EBF4: variants seen among roughly 807,000 people sequenced by gnomAD.
EBF4 encodes the protein EBF transcription factor 4.
EBF4 carries 34 observed loss-of-function variants against 67.1 expected under a neutral mutation model. That is an observed-to-expected ratio of 0.51 (90% confidence interval 0.39 to 0.67). EBF4 has a LOEUF of 0.67. Ranked by LOEUF, EBF4 falls within the 30% of genes least tolerant of loss-of-function variation. The probability of loss-of-function intolerance (pLI) is 0.00; values close to 1 mark genes in which losing one functional copy is unlikely to be tolerated. For missense variants in EBF4, 837 were observed against 873.3 expected (o/e 0.96, Z 0.52); for synonymous variants, 387 against 377.7 (o/e 1.02, Z -0.29).
intron 6 of EBF4, among the ~76,000 whole-genome samples, chr20:2,716,036 A>C (rs1174083297): frequency 1.3e-5 from 2 of 150,502 alleles, no homozygotes; most frequent in Admixed American, 1.3e-4. Context: ...GGCATGAGCC[A>C]CCGCGCCCGG....
Position 2,705,620 on chromosome 20 carries a change from T to C in EBF4, c.181T>C (p.Ser61Pro), listed in dbSNP as rs61729436. The change falls in exon 2 of 17, where the codon TCC (serine) becomes CCC (proline). Residue 61 changes from serine to proline, a missense_variant. Ser to Pro is a moderately conservative substitution (Grantham distance 74). This residue lies in a region of EBF4 where 226 missense variants were observed against 306.5 expected (regional missense o/e 0.74). Transcript: ENST00000609451. ...AGCACATTTTGAGAAGCAGCCTCCC[T>C]CCAACCTCAGGAAATCCAACTTCTT... is the stretch of plus-strand genomic sequence containing the variant. 2.0e-4 allele frequency: 314 copies of C among 1,553,330 alleles called. 2 individuals carry two copies. In the African/African-American group the frequency reaches 3.8e-3, roughly 19 times the overall value.
chr20:2,742,940 G>A (rs2087989369), intron 6 of EBF4, among the ~76,000 whole-genome samples: 2 of 152,034 alleles, frequency 1.3e-5, no homozygotes, highest in African/African-American at 4.8e-5. Context: ...CACTTACCCA[G>A]CCCCTTCCCA....
At chr20:2,742,951 G>C (rs1427869654) in intron 6 of EBF4, among the ~76,000 whole-genome samples, 3 of 152,086 alleles carry the variant, frequency 2.0e-5, no homozygotes, top group Admixed American at 6.6e-5. Flanking sequence ...CCCCTTCCCA[G>C]GCTCTCTTCT....
chr20:2,704,634 C>T (rs147639887), intron 1 of EBF4, among the ~76,000 whole-genome samples: 45 of 152,338 alleles, frequency 3.0e-4, no homozygotes, highest in Non-Finnish European at 5.7e-4. Flanking sequence ...TTCCATGAAG[C>T]CTTCCCTTCA....
At chr20:2,695,837 T>C (rs1106690) in intron 1 of EBF4, among the ~76,000 whole-genome samples, 82,250 of 151,938 alleles carry the variant, frequency 0.54, 25,121 homozygotes, top group African/African-American at 0.83. Context: ...ACGGAAGTGC[T>C]CTCCCAAAAG....
chr20:2,748,484 C>A, intron 6 of EBF4, 65 bp from the exon 7 acceptor site: 1 of 1,449,790 alleles, frequency 6.9e-7, no homozygotes, highest in South Asian at 1.2e-5. Context: ...TGGCAGGGAG[C>A]AGTTGGATCT....
At chr20:2,740,158 C>T (rs912089169) in intron 6 of EBF4, among the ~76,000 whole-genome samples, 6 of 152,268 alleles carry the variant, frequency 3.9e-5, no homozygotes, top group African/African-American at 1.4e-4. Context: ...ACTAAAAATA[C>T]AAAAATTAGC....
At chr20:2,753,451 C>T (rs1196816071) in intron 14 of EBF4, among the ~76,000 whole-genome samples, 1 of 152,248 alleles carries the variant, frequency 6.6e-6, no homozygotes, top group Non-Finnish European at 1.5e-5. Context: ...CTCTTTTTAG[C>T]TTAGCTATTC....
At chr20:2,734,495 A>G (rs545697390) in intron 6 of EBF4, among the ~76,000 whole-genome samples, 72 of 152,272 alleles carry the variant, frequency 4.7e-4, no homozygotes, top group African/African-American at 1.7e-3. Context: ...GCTTTATTAC[A>G]ATGTATGGGT....
Position 2,751,898 on chromosome 20 carries a change from C to G in EBF4, c.1108-24C>G, listed in dbSNP as rs774756085. 2.6e-5 allele frequency: 40 copies of G among 1,549,316 alleles called. No homozygotes were observed. In the African/African-American group the frequency reaches 5.5e-4, roughly 21 times the overall value. On this transcript the variant is annotated intron_variant, in intron 11 of 16. Transcript: ENST00000609451. The surrounding 1 kb of genome is among the most constrained non-coding windows in gnomAD (Gnocchi z 5.2). ...GCCCCCAGGGGCTGCCCCTCCGTCC[C>G]GCTGTCTCTCCCCCTGTCCCCAGGA...
intron 6 of EBF4, among the ~76,000 whole-genome samples, chr20:2,727,920 A>C (rs2087766449): frequency 6.6e-6 from 1 of 152,054 alleles, no homozygotes; most frequent in African/African-American, 2.4e-5. Flanking sequence ...GGGTTTTCTG[A>C]GTGTTGAGTG....
chr20:2,748,457 C>A lies in EBF4; in HGVS notation c.558-92C>A. The A allele has an allele frequency of 4.0e-6, 5 of 1,258,036 alleles. No homozygotes were observed. The East Asian group carries it at 7.7e-5, about 19-fold the overall frequency. 77.9% of individuals were successfully genotyped at this position (1,258,036 alleles called of 1,614,324 possible). A position where few individuals can be genotyped will look rare whatever the true frequency, so the allele number is the denominator to read the frequency against. On this transcript the variant is annotated intron_variant, in intron 6 of 16. Transcript: ENST00000609451. ...GTGGGAGCAGGCAGAGGGGACTCAT[C>A]CTGTGGGGAGGGGGCATGGCAGGGA... is the stretch of plus-strand genomic sequence containing the variant.
At chr20:2,731,155 C>G (rs989063040) in intron 6 of EBF4, among the ~76,000 whole-genome samples, 3 of 152,194 alleles carry the variant, frequency 2.0e-5, no homozygotes, top group African/African-American at 7.2e-5. Flanking sequence ...CCTCAGCCTC[C>G]CAAAGCGCTG....
At chr20:2,748,683 G>T in intron 7 of EBF4, 53 bp downstream of exon 7, 1 of 1,519,140 alleles carries the variant, frequency 6.6e-7, no homozygotes, top group South Asian at 1.2e-5. Flanking sequence ...CCTGATGGAG[G>T]GGAGGGGAGG....
At chr20:2,738,108 T>A (rs1034528169) in intron 6 of EBF4, among the ~76,000 whole-genome samples, 1 of 152,154 alleles carries the variant, frequency 6.6e-6, no homozygotes, top group African/African-American at 2.4e-5. Context: ...TAATCTTCTG[T>A]CTGTTCTCTC....
Position 2,747,317 on chromosome 20 carries a change from C to CAAAAAAAAAAA in EBF4, c.558-1229_558-1219dup, listed in dbSNP as rs57405059. On this transcript the variant is annotated intron_variant, in intron 6 of 16. Transcript: ENST00000609451. The surrounding 1 kb of genome is among the most constrained non-coding windows in gnomAD (Gnocchi z 4.6). The stretch of plus-strand genomic sequence containing the variant: ...GTCTCAAAACAAAAAACAAAACAAA[C>CAAAAAAAAAAA]AAAAAAAAAAAAACAGGAAAAAAAA... Among the ~76,000 whole-genome samples the CAAAAAAAAAAA allele has an allele frequency of 1.6e-5, 2 of 127,368 alleles. No individual in the cohort carries two copies. The highest frequency in any genetic ancestry group is 2.2e-4 in the East Asian group (1 of 4,512). The allele number at this position is 127,368 out of a possible 152,430, so 83.6% of individuals were successfully genotyped here. A position where few individuals can be genotyped will look rare whatever the true frequency, so the allele number is the denominator to read the frequency against.
chr20:2,705,507 G>T (rs566567078), intron 1 of EBF4, 70 bp from the exon 2 acceptor site: 1 of 1,547,766 alleles, frequency 6.5e-7, no homozygotes, highest in Admixed American at 2.0e-5. Flanking sequence ...ATGCCTGCCT[G>T]GCCCGAGGCG....
intron 10 of EBF4, among the ~76,000 whole-genome samples, chr20:2,750,509 T>A (rs1309888548): frequency 6.6e-6 from 1 of 151,916 alleles, no homozygotes; most frequent in African/African-American, 2.4e-5. Flanking sequence ...CCCCCCAGCC[T>A]GGCTCTATTT....
upstream of EBF4, chr20:2,693,571 G>T (rs1333237755): frequency 6.1e-6 from 8 of 1,303,322 alleles, no homozygotes; most frequent in African/African-American, 1.2e-4. The surrounding 1 kb of genome is among the most constrained non-coding windows in gnomAD (Gnocchi z 4.6). Flanking sequence ...CGTCGGGTCG[G>T]GCTGAGCTAG....
Sources: allele counts gnomAD v4.1 joint callset (sites outside exome capture counted in the v4.1 genomes callset), GRCh38; gene constraint gnomAD v4.1.1; regional missense constraint gnomAD v4.1.1; non-coding constraint Gnocchi (gnomAD v3.1); transcripts MANE v1.5; gene names NCBI Gene and HGNC (gene_info 2026-07-23, HGNC 2026-07-21).